The following SNX10 variants were observed in gnomAD, a reference collection of about 807,000 sequenced individuals.
The protein encoded by SNX10 is sorting nexin-10.
Under a neutral mutation model 28.5 loss-of-function variants are expected in SNX10, and 25 were observed. The observed-to-expected ratio is 0.88, with a 90% CI of 0.64 to 1.22. The LOEUF is 1.22. Among genes scored for constraint, SNX10 ranks in the 50% most tolerant of loss-of-function variants. The probability of loss-of-function intolerance (pLI) is 0.00; values close to 1 mark genes in which losing one functional copy is unlikely to be tolerated. For synonymous variants in SNX10, 62 were observed against 81.4 expected (o/e 0.76, Z 1.28); for missense variants, 223 against 242.6 (o/e 0.92, Z 0.54).
Position 26,362,065 on chromosome 7 carries a change from C to CT in SNX10, c.111+1008dup, listed in dbSNP as rs1265030753. ...GGACACCCAAACACCAGCTGTAGAA[C>CT]TTTTCTTTTTTTAAATTCTCCTTTC... On this transcript the variant is annotated intron_variant, in intron 3 of 6. Coordinates refer to ENST00000338523, the MANE Select transcript of SNX10 (RefSeq NM_013322.3). Among the ~76,000 whole-genome samples, 34 of 146,804 alleles carry CT rather than the reference C, an allele frequency of 2.3e-4. 1 individual carries two copies. In the South Asian group the frequency reaches 8.0e-3, roughly 34 times the overall value.
At chr7:26,361,549 G>A (rs529488587) in intron 3 of SNX10, among the ~76,000 whole-genome samples, 44 of 152,292 alleles carry the variant, frequency 2.9e-4, no homozygotes, top group South Asian at 1.0e-3. Flanking sequence ...TTAATGTAAC[G>A]AGTAAGCAAC....
chr7:26,299,799 C>T (rs1786266145), intron 1 of SNX10, among the ~76,000 whole-genome samples: 2 of 152,120 alleles, frequency 1.3e-5, no homozygotes, highest in African/African-American at 2.4e-5. Flanking sequence ...CAGTGGCTCA[C>T]ACCTGTAATC....
intron 1 of SNX10, among the ~76,000 whole-genome samples, chr7:26,293,807 T>C (rs2127991473): frequency 6.6e-6 from 1 of 152,162 alleles, no homozygotes; most frequent in Middle Eastern, 3.4e-3. Flanking sequence ...ATTTTACTAA[T>C]GGGAAGGACC....
rs1789561672 is a variant in SNX10, at chr7:26,371,936, G to A, written c.427G>A (p.Glu143Lys). The A allele has an allele frequency of 6.2e-7, 1 of 1,613,542 alleles. No individual in the cohort carries two copies. Among genetic ancestry groups the A allele is most frequent in the African/African-American group, 1.3e-5 (1 of 74,976 alleles). Residue 143 changes from glutamate (E) to lysine (K), a missense_variant, in exon 6 of 7, where the codon GAA becomes AAA. Transcript: ENST00000338523. ...CVSGQTKYSV[E>K]EAIHKFALMN... ...TTCTGGGCAGACTAAGTACTCTGTG[G>A]AAGAAGCAATTCACAAGTTTGCCTT...
chr7:26,364,944 G>A lies in SNX10; in HGVS notation c.213-103G>A. The A allele has an allele frequency of 1.5e-6, 1 of 673,054 alleles. No homozygotes were observed. The highest frequency in any genetic ancestry group is 2.7e-6 in the Non-Finnish European group (1 of 370,134). 41.7% of individuals were successfully genotyped at this position (673,054 alleles called of 1,614,324 possible). On this transcript the variant is annotated intron_variant, in intron 4 of 6. Coordinates refer to ENST00000338523, the MANE Select transcript of SNX10 (RefSeq NM_013322.3). The surrounding 1 kb of genome is among the most constrained non-coding windows in gnomAD (Gnocchi z 4.9). ...AATCATAATTATAGAATAACTGTGT[G>A]ATAATAATCATCATACATAATTTGC...
chr7:26,316,224 G>A (rs1426339492), intron 1 of SNX10, among the ~76,000 whole-genome samples: 1 of 151,756 alleles, frequency 6.6e-6, no homozygotes, highest in East Asian at 1.9e-4. Flanking sequence ...AAAAAAATGG[G>A]ATCTCATTTC....
chr7:26,323,641 A>T (rs1375985136), intron 1 of SNX10, among the ~76,000 whole-genome samples: 1 of 152,128 alleles, frequency 6.6e-6, no homozygotes, highest in Admixed American at 6.6e-5. Context: ...AAGCCATTGG[A>T]GGGCTTTACG....
chr7:26,298,823 C>T lies in SNX10; in HGVS notation c.-24+6737C>T, dbSNP rs755290872. 9.8e-5 allele frequency among the ~76,000 whole-genome samples: 15 copies of T among 152,286 alleles called. No homozygotes were observed. In the East Asian group the frequency reaches 1.3e-3, roughly 14 times the overall value. ...TCCCTGGCTTGCAGACAGCCGCCTT[C>T]GTGCTGCGTCCTCACATGGTGGAAA... On this transcript the variant is annotated intron_variant, in intron 1 of 6. Transcript: ENST00000338523.
chr7:26,346,300 T>A, intron 1 of SNX10, 120 bp from the exon 2 acceptor site: 1 of 722,562 alleles, frequency 1.4e-6, no homozygotes, highest in Non-Finnish European at 2.5e-6. Flanking sequence ...GAGGCTCACA[T>A]GTCAGGGACT....
chr7:26,321,244 G>A (rs1449948635), intron 1 of SNX10, among the ~76,000 whole-genome samples: 1 of 152,178 alleles, frequency 6.6e-6, no homozygotes, highest in Non-Finnish European at 1.5e-5. Flanking sequence ...ATTTGATGGG[G>A]ATGACAATTT....
chr7:26,339,708 G>A (rs1788106028), intron 1 of SNX10, among the ~76,000 whole-genome samples: 1 of 151,558 alleles, frequency 6.6e-6, no homozygotes, highest in African/African-American at 2.4e-5. Context: ...CACCATGCCT[G>A]GCTAATTTTT....
Position 26,372,916 on chromosome 7 carries a change from C to T in SNX10, c.*344C>T, listed in dbSNP as rs915260439. On this transcript the variant is annotated 3_prime_UTR_variant, in exon 7 of 7. Coordinates refer to ENST00000338523, the MANE Select transcript of SNX10 (RefSeq NM_013322.3). ...TAGGTAACTAAGTAGCATTTAAAATCAAGATAGAGCATTCCTTCTTGTATC... is the reference window on the plus strand; with the variant it reads ...TAGGTAACTAAGTAGCATTTAAAATTAAGATAGAGCATTCCTTCTTGTATC... 2.3e-5 allele frequency: 5 copies of T among 217,876 alleles called. No homozygotes were observed. The highest frequency in any genetic ancestry group is 4.7e-5 in the African/African-American group (2 of 42,874). 13.5% of individuals were successfully genotyped at this position (217,876 alleles called of 1,614,324 possible).
chr7:26,301,933 A>G lies in SNX10; in HGVS notation c.-24+9847A>G, dbSNP rs146634703. On this transcript the variant is annotated intron_variant, in intron 1 of 6. Transcript: ENST00000338523. ...TTATTAAGGGAAAAATTTAAAAGTC[A>G]TACTGGGTACATCGTTAGGCATAGG... Among the ~76,000 whole-genome samples, 429 of 152,304 alleles carry G rather than the reference A, an allele frequency of 2.8e-3. 1 individual carries two copies. Among genetic ancestry groups the G allele is most frequent in the Non-Finnish European group, 4.8e-3 (325 of 68,028 alleles).
intron 1 of SNX10, among the ~76,000 whole-genome samples, chr7:26,330,836 A>G (rs533738969): frequency 1.4e-4 from 21 of 152,128 alleles, no homozygotes; most frequent in Non-Finnish European, 3.1e-4. Context: ...GCCGGGCAAC[A>G]TAGCAAGACC....
At chr7:26,325,172 C>T (rs6978393) in intron 1 of SNX10, among the ~76,000 whole-genome samples, 3,396 of 151,272 alleles carry the variant, frequency 0.022, 130 homozygotes, top group African/African-American at 0.078. Flanking sequence ...GATCCTAGTA[C>T]GTTCAAAATG....
At chr7:26,337,973 G>T (rs1007064014) in intron 1 of SNX10, among the ~76,000 whole-genome samples, 4 of 152,034 alleles carry the variant, frequency 2.6e-5, no homozygotes, top group Admixed American at 6.5e-5. Flanking sequence ...TGCTTTTTTG[G>T]TTTTTTGTTT....
Position 26,365,054 on chromosome 7 carries a change from C to G in SNX10, c.220C>G (p.Pro74Ala), listed in dbSNP as rs1584175041. The G allele has an allele frequency of 6.2e-7, 1 of 1,601,124 alleles. No homozygotes were observed. The highest frequency in any genetic ancestry group is 2.2e-5 in the East Asian group (1 of 44,832). ...TTTTTTCTTTCTCCTAAGACAACTG[C>G]CAGAACTTCCATCTAAAAACCTGTT... is the stretch of plus-strand genomic sequence containing the variant. ...LQSNALLVQL[P>A]ELPSKNLFFN... is the part of the protein sequence containing the mutation. Residue 74 changes from proline (P) to alanine (A), a missense_variant, in exon 5 of 7, where the codon CCA becomes GCA. By Grantham distance (27) the Pro-to-Ala change is conservative. Coordinates refer to ENST00000338523, the MANE Select transcript of SNX10 (RefSeq NM_013322.3).
chr7:26,301,755 A>G (rs1294822327), intron 1 of SNX10, among the ~76,000 whole-genome samples: 1 of 152,236 alleles, frequency 6.6e-6, no homozygotes, highest in African/African-American at 2.4e-5. Flanking sequence ...TCGACAATTC[A>G]GAGATATTTC....
At chr7:26,342,489 A>G (rs1788221872) in intron 1 of SNX10, among the ~76,000 whole-genome samples, 2 of 152,246 alleles carry the variant, frequency 1.3e-5, no homozygotes, top group East Asian at 1.9e-4. Context: ...TGTGTCATAA[A>G]GGTAGCATCT....
Sources: gnomAD v4.1 joint callset for allele counts (sites outside exome capture counted in the v4.1 genomes callset) on GRCh38, gnomAD v4.1.1 for gene constraint, Gnocchi (gnomAD v3.1) non-coding constraint, MANE v1.5 for transcripts, NCBI Gene and HGNC (gene_info 2026-07-23, HGNC 2026-07-21) for gene names.